Variants in AFF1 observed in about 807,000 individuals in gnomAD.
AFF1 encodes ALF transcription elongation factor 1.
AFF1 carries 48 observed loss-of-function variants against 121.7 expected under a neutral mutation model. The observed-to-expected ratio is 0.39, with a 90% CI of 0.31 to 0.50. The LOEUF (loss-of-function observed/expected upper bound fraction) is 0.50, where lower values mean the gene tolerates loss of function less well. AFF1 is among the 20% of genes least tolerant of loss of function. The probability of loss-of-function intolerance (pLI) is 0.76; values close to 1 mark genes in which losing one functional copy is unlikely to be tolerated. For missense variants in AFF1, 1,523 were observed against 1,511.7 expected (o/e 1.01, Z -0.12); for synonymous variants, 613 against 563.0 (o/e 1.09, Z -1.26).
chr4:87,115,517 G>A (rs918301918), intron 12 of AFF1, among the ~76,000 whole-genome samples: 1 of 150,776 alleles, frequency 6.6e-6, no homozygotes, highest in Non-Finnish European at 1.5e-5. Flanking sequence ...CCTTCCATCG[G>A]TCTTGCTAGT....
intron 2 of AFF1, among the ~76,000 whole-genome samples, chr4:86,987,735 T>C (rs1724399142): frequency 6.6e-6 from 1 of 152,110 alleles, no homozygotes; most frequent in Non-Finnish European, 1.5e-5. Flanking sequence ...GGTGGATTAC[T>C]TGAGGCCAGG....
At chr4:87,084,473 C>T (rs1012813837) in intron 5 of AFF1, among the ~76,000 whole-genome samples, 9 of 151,728 alleles carry the variant, frequency 5.9e-5, no homozygotes, top group Admixed American at 5.3e-4. Flanking sequence ...CGATTGAACC[C>T]GAGAGGTGGA....
At chr4:87,004,627 T>TATA (rs1240305983) in intron 2 of AFF1, among the ~76,000 whole-genome samples, 1 of 152,176 alleles carries the variant, frequency 6.6e-6, no homozygotes, top group African/African-American at 2.4e-5. Context: ...ATATTTGCAT[T>TATA]ATATATTCTT....
chr4:86,959,001 T>C (rs1721954556), intron 2 of AFF1, among the ~76,000 whole-genome samples: 1 of 152,220 alleles, frequency 6.6e-6, no homozygotes, highest in African/African-American at 2.4e-5. Flanking sequence ...CCAGGGGACA[T>C]TTGACAATGT....
In AFF1 at chr4:87,094,986, T is replaced by C. The variant is rs1465999813; in HGVS notation, c.1283+17T>C. The C allele has an allele frequency of 6.2e-7, 1 of 1,609,328 alleles. No homozygotes were observed. The highest frequency in any genetic ancestry group is 1.7e-5 in the Admixed American group (1 of 59,986). ...AACGTCATCGTAAGTGAAATGCTTT[T>C]TGTGTATTAAAATTTTGTAGTATGA... On this transcript the variant is annotated intron_variant, in intron 8 of 20. Transcript: ENST00000395146.
At chr4:87,052,872 C>A (rs533523039) in intron 4 of AFF1, among the ~76,000 whole-genome samples, 2 of 151,304 alleles carry the variant, frequency 1.3e-5, no homozygotes, top group Non-Finnish European at 2.9e-5. Context: ...TGAGGGGAGG[C>A]GAGGCATCAA....
chr4:87,058,569 A>G (rs535806869), intron 4 of AFF1, among the ~76,000 whole-genome samples: 2 of 151,014 alleles, frequency 1.3e-5, no homozygotes, highest in African/African-American at 4.9e-5. Flanking sequence ...GTTTAATCTC[A>G]CAGAAGGAGG....
chr4:86,980,828 A>G (rs1723678859), intron 2 of AFF1, among the ~76,000 whole-genome samples: 1 of 152,144 alleles, frequency 6.6e-6, no homozygotes. Context: ...AATGTGATAT[A>G]TAATTATGAA....
At chr4:86,945,134 A>G (rs1720762809) in intron 1 of AFF1, among the ~76,000 whole-genome samples, 1 of 152,116 alleles carries the variant, frequency 6.6e-6, no homozygotes, top group Admixed American at 6.6e-5. Flanking sequence ...GTGATATAAT[A>G]TATGCTTCTC....
At chr4:87,103,639 G>A (rs905151622) in intron 8 of AFF1, among the ~76,000 whole-genome samples, 1 of 152,204 alleles carries the variant, frequency 6.6e-6, no homozygotes, top group Non-Finnish European at 1.5e-5. Context: ...TTTTCATGGT[G>A]CCTGTTTATC....
chr4:86,986,669 GAC>G (rs1401974581), intron 2 of AFF1, among the ~76,000 whole-genome samples: 1 of 151,938 alleles, frequency 6.6e-6, no homozygotes, highest in African/African-American at 2.4e-5. Context: ...AAGCCTAAGA[GAC>G]ATATCAACCC....
chr4:86,963,650 T>TCCC (rs1722311759), intron 2 of AFF1, among the ~76,000 whole-genome samples: 2 of 152,130 alleles, frequency 1.3e-5, no homozygotes, highest in Admixed American at 6.5e-5. Context: ...TTTAAAGGGG[T>TCCC]TAAGTGGTTT....
At chr4:87,096,397 T>C (rs1724871007) in intron 8 of AFF1, among the ~76,000 whole-genome samples, 1 of 147,710 alleles carries the variant, frequency 6.8e-6, no homozygotes, top group African/African-American at 2.5e-5. Context: ...CGGCTTTTTT[T>C]TTTTTTTTTT....
intron 6 of AFF1, 127 bp downstream of exon 6, chr4:87,090,197 A>G: frequency 1.4e-6 from 1 of 709,926 alleles, no homozygotes; most frequent in Non-Finnish European, 2.3e-6. Context: ...ATTATGATTA[A>G]TTTAGCTTCT....
chr4:86,960,164 C>A (rs947770711), intron 2 of AFF1, among the ~76,000 whole-genome samples: 1 of 152,028 alleles, frequency 6.6e-6, no homozygotes, highest in Non-Finnish European at 1.5e-5. Flanking sequence ...GGCTGCTCTT[C>A]GTTTGAATTT....
intron 8 of AFF1, among the ~76,000 whole-genome samples, chr4:87,097,181 G>A (rs576948176): frequency 5.3e-5 from 8 of 152,334 alleles, no homozygotes; most frequent in African/African-American, 1.7e-4. Flanking sequence ...AGGAAGGGAC[G>A]TTAAAGCCTG....
Position 87,031,792 on chromosome 4 carries a change from T to A in AFF1, c.39-14374T>A, listed in dbSNP as rs570161315. On this transcript the variant is annotated intron_variant, in intron 2 of 20. Transcript: ENST00000395146. Reference sequence around the variant, plus strand: ...TTGCAGTGGATATATTAGTGTCTGCTTTTCAGAGAGTAGAAATGGAAACTT... The same window carrying A: ...TTGCAGTGGATATATTAGTGTCTGCATTTCAGAGAGTAGAAATGGAAACTT... Among the ~76,000 whole-genome samples, 60 of 152,356 alleles carry A rather than the reference T, an allele frequency of 3.9e-4. 1 individual carries two copies. The highest frequency in any genetic ancestry group is 2.2e-3 in the Admixed American group (33 of 15,302).
At chr4:87,046,629 A>G (rs955892365) in intron 3 of AFF1, 66 bp from the exon 4 acceptor site, 1 of 1,481,370 alleles carries the variant, frequency 6.8e-7, no homozygotes, top group East Asian at 2.3e-5. Flanking sequence ...GTATTATATA[A>G]CGTGGTTTGT....
intron 2 of AFF1, among the ~76,000 whole-genome samples, chr4:86,989,818 C>G (rs114981988): frequency 1.3e-5 from 2 of 152,078 alleles, no homozygotes; most frequent in African/African-American, 2.4e-5. Context: ...AAATACGGCA[C>G]GTATATACCA....
Sources: gnomAD v4.1 joint callset for allele counts (sites outside exome capture counted in the v4.1 genomes callset) on GRCh38, gnomAD v4.1.1 for gene constraint, MANE v1.5 for transcripts, NCBI Gene and HGNC (gene_info 2026-07-23, HGNC 2026-07-21) for gene names.